Variants in FAHD2A observed in about 807,000 individuals in gnomAD.
FAHD2A encodes fumarylacetoacetate hydrolase domain containing 2A, also known as oxaloacetate tautomerase FAHD2A, mitochondrial.
A neutral mutation model predicts 33.4 loss-of-function variants in FAHD2A; 27 were observed. The ratio of observed to expected loss-of-function variants is 0.81; its 90% CI spans 0.60 to 1.11. The LOEUF is 1.11. Ranked by LOEUF, FAHD2A falls within the 50% of genes most tolerant of loss-of-function variation. The pLI, the probability that FAHD2A is intolerant of heterozygous loss-of-function variation, is 0.00. For missense variants in FAHD2A, 296 were observed against 395.0 expected, an observed-to-expected ratio of 0.75 and a Z score of 2.12; for synonymous variants, 130 against 153.3, an observed-to-expected ratio of 0.85 and a Z score of 1.12.
At position 95,412,732 on chromosome 2, in the gene FAHD2A, G is replaced by T. The variant is rs764829445; in HGVS notation, c.850G>T (p.Gly284Cys). Reference protein sequence around the residue: ...VILTGTPPGVGVFRKPPVFLK... With the variant: ...VILTGTPPGVCVFRKPPVFLK... ...CCTAACTGGGACCCCCCCAGGTGTC[G>T]GTGTATTCAGGAAACCTCCTGTCTT... The change falls in exon 7 of 8, where the codon GGT (glycine) becomes TGT (cysteine). Residue 284 changes from glycine to cysteine, a missense_variant. Transcript: ENST00000233379. The T allele has an allele frequency of 1.2e-6, 2 of 1,614,112 alleles. No individual in the cohort carries two copies. The highest frequency in any genetic ancestry group is 1.7e-6 in the Non-Finnish European group (2 of 1,180,004).
At position 95,413,286 on chromosome 2, in the gene FAHD2A, T is replaced by A. The variant is rs1682828010; in HGVS notation, c.*329T>A. 3.6e-6 allele frequency: 5 copies of A among 1,390,442 alleles called. No individual in the cohort carries two copies. In the South Asian group the frequency reaches 7.8e-5, roughly 22 times the overall value. 86.1% of individuals were successfully genotyped at this position (1,390,442 alleles called of 1,614,324 possible). A position where few individuals can be genotyped will look rare whatever the true frequency, so the allele number is the denominator to read the frequency against. On this transcript the variant is annotated 3_prime_UTR_variant, in exon 8 of 8. Transcript: ENST00000233379. ...AAGACAATTCGTGTCGTCCCCTTGT[T>A]TATCACATCAAAGAAGGGAAAAAGC...
Position 95,415,510 on chromosome 2 carries a change from C to T in FAHD2A, c.*2553C>T, listed in dbSNP as rs187364975. 13 of 152,470 alleles carry T rather than the reference C, an allele frequency of 8.5e-5. No individual in the cohort carries two copies. The East Asian group carries it at 1.4e-3, about 16-fold the overall frequency. 9.4% of individuals were successfully genotyped at this position (152,470 alleles called of 1,614,324 possible). A position where few individuals can be genotyped will look rare whatever the true frequency, so the allele number is the denominator to read the frequency against. ...TATGTTATTAGGCATTCTCTTGATT[C>T]GGTAAACACAAGCTGAATAAATTTA... On this transcript the variant is annotated 3_prime_UTR_variant, in exon 8 of 8. Coordinates refer to ENST00000233379, the MANE Select transcript of FAHD2A (RefSeq NM_016044.3).
chr2:95,407,281 T>C, intron 3 of FAHD2A, 124 bp downstream of exon 3: 1 of 1,414,352 alleles, frequency 7.1e-7, no homozygotes, highest in Admixed American at 2.1e-5. Context: ...CTCTACAGGA[T>C]TGTACACACA....
At chr2:95,408,485 C>G (rs1374771146) in intron 3 of FAHD2A, among the ~76,000 whole-genome samples, 2 of 152,210 alleles carry the variant, frequency 1.3e-5, no homozygotes, top group African/African-American at 4.8e-5. Flanking sequence ...ATTGGACTTA[C>G]AGTTCCACGT....
chr2:95,411,789 T>A (rs1682559314), intron 5 of FAHD2A, among the ~76,000 whole-genome samples: 1 of 152,154 alleles, frequency 6.6e-6, no homozygotes, highest in Admixed American at 6.5e-5. Flanking sequence ...GCTTTATAGA[T>A]GCTGAGTCTT....
chr2:95,419,330 G>C (rs1156697233), downstream of FAHD2A, among the ~76,000 whole-genome samples: 1 of 151,748 alleles, frequency 6.6e-6, no homozygotes, highest in East Asian at 1.9e-4. Flanking sequence ...ACATACTTGA[G>C]AATGTTTACA....
chr2:95,406,059 T>C, intron 2 of FAHD2A, among the ~76,000 whole-genome samples: 1 of 151,372 alleles, frequency 6.6e-6, no homozygotes, highest in South Asian at 2.1e-4. Flanking sequence ...GAACCAGGAC[T>C]CTATACTTCA....
intron 7 of FAHD2A, 24 bp downstream of exon 7, chr2:95,412,788 CA>C (rs1235901070): frequency 6.2e-7 from 1 of 1,614,172 alleles, no homozygotes; most frequent in African/African-American, 1.3e-5. Context: ...AAGCAAAGAG[CA>C]AGGGCCCCAA....
downstream of FAHD2A, among the ~76,000 whole-genome samples, chr2:95,420,122 A>C (rs13002584): frequency 4.1e-4 from 62 of 152,168 alleles, 1 homozygote; most frequent in South Asian, 1.9e-3. Context: ...AATTGATTGG[A>C]ACTTCTACAT....
At chr2:95,419,350 G>A (rs1683282173), downstream of FAHD2A, among the ~76,000 whole-genome samples, 1 of 143,730 alleles carries the variant, frequency 7.0e-6, no homozygotes, top group Non-Finnish European at 1.6e-5. Flanking sequence ...AGACTAAGAG[G>A]AAAGAATCTA....
Position 95,405,672 on chromosome 2 carries a change from G to A in FAHD2A, c.114G>A (p.Val38=), listed in dbSNP as rs542036664. 3.3e-5 allele frequency: 53 copies of A among 1,614,158 alleles called. No homozygotes were observed. The highest frequency in any genetic ancestry group is 4.3e-5 in the Non-Finnish European group (51 of 1,180,032). ...TGCAGTTCCGGGCACCCCACCTGGT[G>A]GGGCCTCACTTGGGCCTGGAGACAG... ...RLVQFRAPHL[V]GPHLGLETGN... is the part of the protein sequence containing the mutation. Residue 38 remains valine (V), a synonymous_variant, in exon 2 of 8, where the codon GTG becomes GTA. Transcript: ENST00000233379.
Position 95,415,671 on chromosome 2 carries a change from C to T in FAHD2A, c.*2714C>T, listed in dbSNP as rs1683086588. The T allele has an allele frequency of 6.5e-6, 1 of 152,682 alleles. No individual in the cohort carries two copies. The highest frequency in any genetic ancestry group is 1.5e-5 in the Non-Finnish European group (1 of 68,070). 9.5% of individuals were successfully genotyped at this position (152,682 alleles called of 1,614,324 possible). A position where few individuals can be genotyped will look rare whatever the true frequency, so the allele number is the denominator to read the frequency against. On this transcript the variant is annotated 3_prime_UTR_variant, in exon 8 of 8. Coordinates refer to ENST00000233379, the MANE Select transcript of FAHD2A (RefSeq NM_016044.3). Reference sequence around the variant, plus strand: ...TTGCCCAGGTAAGCTGGGGAAGAGCCTGCTGCCGCCCAGCTCTGGTTGTGG... The same window carrying T: ...TTGCCCAGGTAAGCTGGGGAAGAGCTTGCTGCCGCCCAGCTCTGGTTGTGG...
At position 95,410,922 on chromosome 2, in the gene FAHD2A, G is replaced by A. The variant is rs770319428; in HGVS notation, c.581G>A (p.Arg194His). The change falls in exon 5 of 8, where the codon CGT becomes CAT. Residue 194 changes from arginine (R) to histidine (H), a missense_variant. By Grantham distance (29) the Arg-to-His change is conservative. Coordinates refer to ENST00000233379, the MANE Select transcript of FAHD2A (RefSeq NM_016044.3). The part of the protein sequence containing the change: ...GFTVAHDVSA[R>H]DWQMRRNGKQ... The stretch of plus-strand genomic sequence containing the variant: ...ACTGTGGCTCATGACGTGAGTGCTC[G>A]TGACTGGCAAATGAGACGTAATGGG... 3.6e-5 allele frequency: 58 copies of A among 1,613,862 alleles called. No homozygotes were observed. The highest frequency in any genetic ancestry group is 1.3e-4 in the East Asian group (6 of 44,892).
intron 3 of FAHD2A, chr2:95,407,414 T>A (rs1681773971): frequency 1.8e-6 from 1 of 568,254 alleles, no homozygotes; most frequent in African/African-American, 1.9e-5. Context: ...TCACCCATAA[T>A]CCCACTGCCC....
chr2:95,404,139 T>G (rs1681149853), intron 1 of FAHD2A, among the ~76,000 whole-genome samples: 1 of 152,190 alleles, frequency 6.6e-6, no homozygotes, highest in South Asian at 2.1e-4. Flanking sequence ...TAGAAGGCTG[T>G]ACAATACCGC....
downstream of FAHD2A, among the ~76,000 whole-genome samples, chr2:95,420,657 G>T (rs1683301920): frequency 6.6e-6 from 1 of 151,570 alleles, no homozygotes; most frequent in Non-Finnish European, 1.5e-5. Flanking sequence ...GATAAAAAAA[G>T]AAAAACAGGT....
intron 1 of FAHD2A, 110 bp downstream of exon 1, chr2:95,402,982 G>C (rs1680965417): frequency 6.6e-6 from 1 of 152,410 alleles, no homozygotes; most frequent in African/African-American, 2.4e-5. Context: ...ACACAGACGG[G>C]GCGGACCTGT....
At chr2:95,406,688 A>G (rs1681614783) in intron 2 of FAHD2A, among the ~76,000 whole-genome samples, 1 of 152,190 alleles carries the variant, frequency 6.6e-6, no homozygotes, top group African/African-American at 2.4e-5. Context: ...CTTTCCATGT[A>G]TTCCAGTTTG....
chr2:95,412,516 A>G lies in FAHD2A; in HGVS notation c.768A>G (p.Thr256=), dbSNP rs755669043. ...ACACCAACCAGATGGTATTCAAGAC[A>G]GAGGACCTGATAGCCTGGGTCTCCC... The part of the protein sequence containing the change: ...SGNTNQMVFK[T]EDLIAWVSQF... Residue 256 remains threonine, a synonymous_variant, in exon 6 of 8, where the codon ACA becomes ACG. Coordinates refer to ENST00000233379, the MANE Select transcript of FAHD2A (RefSeq NM_016044.3). 5 of 1,613,982 alleles carry G rather than the reference A, an allele frequency of 3.1e-6. No individual in the cohort carries two copies. The South Asian group carries it at 5.5e-5, about 18-fold the overall frequency.
Sources: allele counts gnomAD v4.1 joint callset (sites outside exome capture counted in the v4.1 genomes callset), GRCh38; gene constraint gnomAD v4.1.1; transcripts MANE v1.5; gene names NCBI Gene and HGNC (gene_info 2026-07-23, HGNC 2026-07-21).